Variants in DLC1 observed in about 807,000 individuals in gnomAD.
DLC1 encodes the protein rho GTPase-activating protein 7.
A neutral mutation model predicts 140.3 loss-of-function variants in DLC1; 54 were observed. The ratio of observed to expected loss-of-function variants is 0.38; its 90% CI spans 0.31 to 0.48. The LOEUF (loss-of-function observed/expected upper bound fraction) is 0.48, where lower values mean the gene tolerates loss of function less well. DLC1 is among the 20% of genes least tolerant of loss of function. The pLI, the probability that DLC1 is intolerant of heterozygous loss-of-function variation, is 0.96. For synonymous variants in DLC1, 986 were observed against 728.1 expected, an observed-to-expected ratio of 1.35 and a Z score of -5.70; for missense variants, 2,536 against 1,907.0, an observed-to-expected ratio of 1.33 and a Z score of -6.14.
intron 2 of DLC1, among the ~76,000 whole-genome samples, chr8:13,403,163 A>G (rs1180073961): frequency 2.0e-5 from 3 of 152,190 alleles, no homozygotes; most frequent in Admixed American, 6.5e-5. Context: ...TGCTGTTGTT[A>G]TTACTTCAGT....
At chr8:13,316,677 A>C (rs893075977) in intron 4 of DLC1, among the ~76,000 whole-genome samples, 2 of 151,918 alleles carry the variant, frequency 1.3e-5, no homozygotes, top group Non-Finnish European at 2.9e-5. Context: ...TGACTTTTGC[A>C]CCTAAGGTCA....
chr8:13,310,692 G>C (rs1443218599), intron 4 of DLC1, among the ~76,000 whole-genome samples: 1 of 152,210 alleles, frequency 6.6e-6, no homozygotes, highest in East Asian at 1.9e-4. Context: ...TTGTTAGCCA[G>C]TCAATGATTT....
At chr8:13,164,003 A>T (rs2116888795) in intron 5 of DLC1, among the ~76,000 whole-genome samples, 1 of 151,864 alleles carries the variant, frequency 6.6e-6, no homozygotes, top group South Asian at 2.1e-4. Flanking sequence ...CACTGCCTTA[A>T]AAAAAATTCT....
intron 2 of DLC1, among the ~76,000 whole-genome samples, chr8:13,479,457 A>C (rs1411947234): frequency 1.3e-5 from 2 of 152,212 alleles, no homozygotes; most frequent in Non-Finnish European, 2.9e-5. Context: ...CTGAAACAAC[A>C]GAAACAATGG....
At chr8:13,383,204 A>G (rs1449450160) in intron 4 of DLC1, among the ~76,000 whole-genome samples, 1 of 152,244 alleles carries the variant, frequency 6.6e-6, no homozygotes, top group Non-Finnish European at 1.5e-5. Flanking sequence ...GGTATGAATG[A>G]TTCCAGCCAA....
At chr8:13,257,612 C>A (rs1019811755) in intron 5 of DLC1, among the ~76,000 whole-genome samples, 1 of 151,764 alleles carries the variant, frequency 6.6e-6, no homozygotes, top group Non-Finnish European at 1.5e-5. Context: ...AAAATGTTTG[C>A]TGTATTCAAC....
At chr8:13,104,807 T>C (rs1819420311) in intron 7 of DLC1, among the ~76,000 whole-genome samples, 1 of 152,160 alleles carries the variant, frequency 6.6e-6, no homozygotes, top group African/African-American at 2.4e-5. Flanking sequence ...CCAGAGCGCC[T>C]AGGTTCAGAA....
chr8:13,416,069 G>A (rs573961463), intron 2 of DLC1, among the ~76,000 whole-genome samples: 1 of 152,150 alleles, frequency 6.6e-6, no homozygotes. Flanking sequence ...TCAGCTGAGG[G>A]TCATTTCTTT....
intron 5 of DLC1, among the ~76,000 whole-genome samples, chr8:13,264,317 C>T (rs1338124876): frequency 6.6e-6 from 1 of 152,088 alleles, no homozygotes; most frequent in Non-Finnish European, 1.5e-5. Flanking sequence ...AGGTCATCCA[C>T]CTACCTCGGC....
chr8:13,317,791 G>C (rs536603631), intron 4 of DLC1, among the ~76,000 whole-genome samples: 3 of 152,138 alleles, frequency 2.0e-5, no homozygotes, highest in Non-Finnish European at 4.4e-5. Flanking sequence ...AGAGTGGAAA[G>C]AGGATTGAGA....
At chr8:13,573,889 A>T (rs1197204670) in intron 1 of DLC1, among the ~76,000 whole-genome samples, 1 of 152,188 alleles carries the variant, frequency 6.6e-6, no homozygotes, top group Admixed American at 6.5e-5. Context: ...TGGCTTAATT[A>T]ATATGCTTTT....
chr8:13,513,210 C>A (rs2117262618), intron 1 of DLC1, among the ~76,000 whole-genome samples: 1 of 152,156 alleles, frequency 6.6e-6, no homozygotes, highest in Middle Eastern at 3.4e-3. Context: ...TGTAGACAAC[C>A]TCAAGCCATT....
At chr8:13,248,893 T>C (rs146028924) in intron 5 of DLC1, among the ~76,000 whole-genome samples, 199 of 152,286 alleles carry the variant, frequency 1.3e-3, no homozygotes, top group African/African-American at 4.5e-3. Context: ...TAATTACCAC[T>C]GTAGAAACTT....
At chr8:13,534,452 G>T (rs1183463057) in intron 1 of DLC1, among the ~76,000 whole-genome samples, 2 of 152,162 alleles carry the variant, frequency 1.3e-5, no homozygotes, top group Admixed American at 6.5e-5. Context: ...CAATTTGAGG[G>T]ATAAAAACTG....
At chr8:13,396,282 A>G (rs981228769) in intron 3 of DLC1, among the ~76,000 whole-genome samples, 2 of 151,726 alleles carry the variant, frequency 1.3e-5, no homozygotes, top group African/African-American at 4.8e-5. Context: ...GATGGTCTCA[A>G]TCTCCTGACC....
chr8:13,469,987 T>G (rs1265505410), intron 2 of DLC1, among the ~76,000 whole-genome samples: 1 of 152,164 alleles, frequency 6.6e-6, no homozygotes, highest in Non-Finnish European at 1.5e-5. Flanking sequence ...AAGTGGCATT[T>G]GGATTTCCCT....
intron 2 of DLC1, among the ~76,000 whole-genome samples, chr8:13,479,081 T>C (rs561787010): frequency 5.3e-5 from 8 of 152,348 alleles, no homozygotes; most frequent in Admixed American, 4.6e-4. Context: ...CACCCCTTAG[T>C]TGGTTTACTG....
rs1831728532 is a variant in DLC1 at position 13,290,839 on chromosome 8, T to C, written c.1348+14430A>G. Reference sequence around the variant, plus strand: ...GTGGAGAATGTGAGCATTCCTGTGATGGCACTAGGGGGCAACTGGAATGAG... The same window carrying C: ...GTGGAGAATGTGAGCATTCCTGTGACGGCACTAGGGGGCAACTGGAATGAG... On this transcript the variant is annotated intron_variant, in intron 5 of 17. Transcript: ENST00000276297. Among the ~76,000 whole-genome samples, 5 of 152,212 alleles carry C rather than the reference T, an allele frequency of 3.3e-5. 1 individual carries two copies. The South Asian group carries it at 8.3e-4, about 25-fold the overall frequency.
chr8:13,549,785 T>C (rs1269875959), intron 1 of DLC1, among the ~76,000 whole-genome samples: 2 of 152,106 alleles, frequency 1.3e-5, no homozygotes, highest in Admixed American at 1.3e-4. Context: ...CTCAGGCATG[T>C]CATGCATTTG....
Sources: allele counts gnomAD v4.1 joint callset (sites outside exome capture counted in the v4.1 genomes callset), GRCh38; gene constraint gnomAD v4.1.1; transcripts MANE v1.5; gene names NCBI Gene and HGNC (gene_info 2026-07-23, HGNC 2026-07-21).